The following SRPK2 variants were observed in gnomAD, a reference collection of about 807,000 sequenced individuals.
SRPK2 encodes the protein SRSF protein kinase 2, also known as SFRS protein kinase 2.
SRPK2 carries 21 observed loss-of-function variants against 90.8 expected under a neutral mutation model. The observed-to-expected ratio is 0.23, with a 90% CI of 0.16 to 0.33. SRPK2 has a LOEUF of 0.33. Among genes scored for constraint, SRPK2 ranks in the 10% least tolerant of loss-of-function variants. The pLI is 1.00. For missense variants in SRPK2, 620 were observed against 869.0 expected (o/e 0.71, Z 3.60); for synonymous variants, 288 against 311.1 (o/e 0.93, Z 0.78).
At chr7:105,185,479 A>G (rs1793460976) in intron 3 of SRPK2, among the ~76,000 whole-genome samples, 1 of 152,198 alleles carries the variant, frequency 6.6e-6, no homozygotes, top group African/African-American at 2.4e-5. Context: ...GGTATATATT[A>G]TAGCACATAT....
chr7:105,149,908 G>A (rs934044296), intron 7 of SRPK2, among the ~76,000 whole-genome samples: 8 of 152,016 alleles, frequency 5.3e-5, no homozygotes, highest in African/African-American at 1.2e-4. Context: ...AATGTGCATC[G>A]CCTGAGCTCC....
chr7:105,217,705 A>C (rs1797631162), intron 2 of SRPK2, among the ~76,000 whole-genome samples: 1 of 152,240 alleles, frequency 6.6e-6, no homozygotes, highest in Non-Finnish European at 1.5e-5. Context: ...TGTTCAAGAA[A>C]TACTTACAAA....
At chr7:105,358,566 G>GT (rs948388594) in intron 2 of SRPK2, among the ~76,000 whole-genome samples, 18 of 151,668 alleles carry the variant, frequency 1.2e-4, no homozygotes, top group Admixed American at 9.9e-4. Context: ...CTTGCCTGCC[G>GT]TGTCAGTTAC....
intron 2 of SRPK2, among the ~76,000 whole-genome samples, chr7:105,368,416 G>C (rs1819322857): frequency 6.6e-6 from 1 of 152,076 alleles, no homozygotes. Flanking sequence ...TTAAAAGTAA[G>C]GTTCTTACAA....
intron 2 of SRPK2, among the ~76,000 whole-genome samples, chr7:105,240,747 A>T (rs1800702328): frequency 6.6e-6 from 1 of 152,240 alleles, no homozygotes; most frequent in Non-Finnish European, 1.5e-5. Flanking sequence ...TTGAAATGGC[A>T]ACTTTTACCA....
intron 2 of SRPK2, among the ~76,000 whole-genome samples, chr7:105,384,571 A>G (rs1821317805): frequency 6.6e-6 from 1 of 152,228 alleles, no homozygotes; most frequent in Non-Finnish European, 1.5e-5. Context: ...TTTGCCAGTC[A>G]TCATATTAAT....
At chr7:105,271,728 G>A (rs1251357672) in intron 2 of SRPK2, among the ~76,000 whole-genome samples, 2 of 152,136 alleles carry the variant, frequency 1.3e-5, no homozygotes, top group African/African-American at 2.4e-5. Context: ...TGAGCCATCC[G>A]TTCCCTTGAC....
chr7:105,388,992 C>G, upstream of SRPK2: 2 of 1,021,926 alleles, frequency 2.0e-6, no homozygotes, highest in South Asian at 9.0e-5. Flanking sequence ...CCGCCCCCGC[C>G]CCGCCCCCAC....
chr7:105,326,319 G>C (rs908387974), intron 2 of SRPK2, among the ~76,000 whole-genome samples: 1 of 152,140 alleles, frequency 6.6e-6, no homozygotes, highest in Non-Finnish European at 1.5e-5. Context: ...TGGCCAGAGT[G>C]ACTTTTTAAA....
intron 3 of SRPK2, among the ~76,000 whole-genome samples, chr7:105,197,123 G>A (rs1445920890): frequency 6.6e-6 from 1 of 152,008 alleles, no homozygotes; most frequent in African/African-American, 2.4e-5. Flanking sequence ...AGAAAGGGAG[G>A]AGGGATGCCA....
At chr7:105,389,940 A>C (rs1338415462), upstream of SRPK2, among the ~76,000 whole-genome samples, 1 of 152,200 alleles carries the variant, frequency 6.6e-6, no homozygotes, top group Non-Finnish European at 1.5e-5. Flanking sequence ...CTCTGCTTGG[A>C]TTTTGAAGAG....
intron 15 of SRPK2, among the ~76,000 whole-genome samples, 188 bp downstream of exon 15, chr7:105,126,060 G>C (rs1584873178): frequency 6.6e-6 from 1 of 152,200 alleles, no homozygotes; most frequent in African/African-American, 2.4e-5. Flanking sequence ...AGGGGCTGGT[G>C]AACAGGGTGA....
chr7:105,278,775 G>C (rs1210375432), intron 2 of SRPK2, among the ~76,000 whole-genome samples: 1 of 151,564 alleles, frequency 6.6e-6, no homozygotes, highest in Admixed American at 6.6e-5. Context: ...GAAGGGGAAA[G>C]GAGAAAGGGG....
chr7:105,217,368 A>C (rs147694270), intron 2 of SRPK2, among the ~76,000 whole-genome samples: 7 of 152,378 alleles, frequency 4.6e-5, no homozygotes, highest in Middle Eastern at 3.4e-3. Context: ...CGGAATAGAA[A>C]TTCAAAACAT....
At chr7:105,280,654 AAAGGG>A (rs903802644) in intron 2 of SRPK2, among the ~76,000 whole-genome samples, 1 of 89,780 alleles carries the variant, frequency 1.1e-5, no homozygotes, top group African/African-American at 4.4e-5. Context: ...TCATTAAAAA[AAAGGG>A]GGGGGGGGCC....
intron 2 of SRPK2, among the ~76,000 whole-genome samples, chr7:105,363,593 G>T (rs1203170666): frequency 6.6e-6 from 1 of 152,170 alleles, no homozygotes; most frequent in Non-Finnish European, 1.5e-5. Context: ...GTGTAAATTA[G>T]TTCAACCCTT....
At chr7:105,224,120 T>C (rs1289371315) in intron 2 of SRPK2, among the ~76,000 whole-genome samples, 1 of 152,212 alleles carries the variant, frequency 6.6e-6, no homozygotes, top group Non-Finnish European at 1.5e-5. Flanking sequence ...ATTTACAGAT[T>C]TTTAAACGAC....
chr7:105,318,642 G>A (rs769816615), intron 2 of SRPK2, among the ~76,000 whole-genome samples: 4 of 152,164 alleles, frequency 2.6e-5, no homozygotes, highest in South Asian at 2.1e-4. Context: ...TGTTCTTTCC[G>A]TCACACACTT....
At chr7:105,191,696 A>G (rs1052109704) in intron 3 of SRPK2, among the ~76,000 whole-genome samples, 1 of 152,058 alleles carries the variant, frequency 6.6e-6, no homozygotes, top group African/African-American at 2.4e-5. Flanking sequence ...TCCATACTCA[A>G]CAGATTGTTG....
Sources: gnomAD v4.1 joint callset for allele counts (sites outside exome capture counted in the v4.1 genomes callset) on GRCh38, gnomAD v4.1.1 for gene constraint, MANE v1.5 for transcripts, NCBI Gene and HGNC (gene_info 2026-07-23, HGNC 2026-07-21) for gene names.